The following NREP variants were observed in gnomAD, a reference collection of about 807,000 sequenced individuals.
The protein encoded by NREP is neuronal regeneration related protein.
Under a neutral mutation model 8.6 loss-of-function variants are expected in NREP, and 5 were observed. The observed-to-expected ratio is 0.58, with a 90% confidence interval of 0.30 to 1.22. The LOEUF (loss-of-function observed/expected upper bound fraction) is 1.22. Among genes scored for constraint, NREP ranks in the 50% most tolerant of loss-of-function variants. NREP has a pLI of 0.07. For missense variants in NREP, 86 were observed against 82.5 expected (o/e 1.04, Z -0.17); for synonymous variants, 27 against 28.0 (o/e 0.96, Z 0.11).
At chr5:111,772,861 G>A (rs1228646668) in intron 2 of NREP, among the ~76,000 whole-genome samples, 1 of 152,136 alleles carries the variant, frequency 6.6e-6, no homozygotes, top group Non-Finnish European at 1.5e-5. Context: ...GTGTTTCATA[G>A]CATGACAGCT....
At chr5:111,858,023 G>A (rs981075582) in intron 2 of NREP, among the ~76,000 whole-genome samples, 8 of 151,400 alleles carry the variant, frequency 5.3e-5, no homozygotes, top group Non-Finnish European at 1.0e-4. Context: ...TAACTAACAT[G>A]CTCACTTTCA....
intron 1 of NREP, chr5:111,756,296 T>TAA (rs77528562): frequency 0.011 from 2,668 of 237,372 alleles, 11 homozygotes; most frequent in African/African-American, 0.018. Context: ...CTTCCGTGTT[T>TAA]AAAAAAAAAA....
chr5:111,935,105 T>C (rs1290427893), intron 2 of NREP, among the ~76,000 whole-genome samples: 1 of 152,140 alleles, frequency 6.6e-6, no homozygotes, highest in East Asian at 1.9e-4. Context: ...TACAGTACTT[T>C]TGAAAACTGG....
chr5:111,891,616 C>T (rs760605067), intron 2 of NREP, among the ~76,000 whole-genome samples: 3 of 152,168 alleles, frequency 2.0e-5, no homozygotes, highest in Non-Finnish European at 4.4e-5. Context: ...TTAATTGGCT[C>T]ATGGTTCTAT....
At chr5:111,889,316 T>G (rs930445771) in intron 2 of NREP, among the ~76,000 whole-genome samples, 1 of 152,150 alleles carries the variant, frequency 6.6e-6, no homozygotes, top group African/African-American at 2.4e-5. Context: ...CAATCAGATC[T>G]CATGATAACT....
intron 2 of NREP, among the ~76,000 whole-genome samples, chr5:111,881,072 T>A (rs1754050024): frequency 6.6e-6 from 1 of 152,162 alleles, no homozygotes. Flanking sequence ...CCTTTCCTAG[T>A]CAAAGAAAGT....
At chr5:111,955,337 A>G (rs1328687268) in intron 2 of NREP, among the ~76,000 whole-genome samples, 1 of 152,150 alleles carries the variant, frequency 6.6e-6, no homozygotes, top group South Asian at 2.1e-4. Context: ...CACACAATGC[A>G]GAAGTATAAA....
At chr5:111,811,463 G>A (rs1440496174) in intron 2 of NREP, among the ~76,000 whole-genome samples, 3 of 152,058 alleles carry the variant, frequency 2.0e-5, no homozygotes, top group Admixed American at 6.5e-5. Context: ...CTCTTTCAAC[G>A]AAGACTTTGC....
chr5:111,767,793 G>A (rs527270279), intron 2 of NREP, among the ~76,000 whole-genome samples: 12 of 152,164 alleles, frequency 7.9e-5, no homozygotes, highest in Non-Finnish European at 1.6e-4. Flanking sequence ...AGCCTCCTGA[G>A]TAGATGGAAC....
chr5:111,802,533 G>C (rs1166028811), intron 2 of NREP, among the ~76,000 whole-genome samples: 1 of 152,162 alleles, frequency 6.6e-6, no homozygotes, highest in African/African-American at 2.4e-5. Context: ...CTCCAGGCAA[G>C]AGATGAATAA....
At chr5:111,750,423 A>G (rs1378938595) in intron 2 of NREP, among the ~76,000 whole-genome samples, 1 of 152,178 alleles carries the variant, frequency 6.6e-6, no homozygotes, top group Non-Finnish European at 1.5e-5. Flanking sequence ...GCGCCCTGGA[A>G]CACTGTATTG....
intron 2 of NREP, among the ~76,000 whole-genome samples, chr5:111,855,646 T>C (rs1053724900): frequency 2.0e-5 from 3 of 152,132 alleles, no homozygotes; most frequent in African/African-American, 7.2e-5. Flanking sequence ...AAATGCAAAC[T>C]GCAACATCTA....
At chr5:111,882,691 A>G (rs1754117983) in intron 2 of NREP, among the ~76,000 whole-genome samples, 2 of 152,204 alleles carry the variant, frequency 1.3e-5, no homozygotes, top group African/African-American at 4.8e-5. Context: ...TTCTTAAAAG[A>G]ATTTTCCACC....
At chr5:111,965,748 A>T (rs1007668956) in intron 2 of NREP, among the ~76,000 whole-genome samples, 5 of 152,228 alleles carry the variant, frequency 3.3e-5, no homozygotes, top group African/African-American at 1.2e-4. Context: ...TGCTAACATC[A>T]ACAAATATAC....
intron 2 of NREP, among the ~76,000 whole-genome samples, chr5:111,918,307 A>G (rs909402600): frequency 6.6e-6 from 1 of 152,230 alleles, no homozygotes; most frequent in African/African-American, 2.4e-5. Flanking sequence ...ATTCAATGCT[A>G]TCCCCATCAA....
At chr5:111,952,789 C>A (rs1431383124) in intron 2 of NREP, among the ~76,000 whole-genome samples, 1 of 152,014 alleles carries the variant, frequency 6.6e-6, no homozygotes, top group Non-Finnish European at 1.5e-5. Context: ...TGTAGTTATG[C>A]AAGATGTTAC....
Position 111,893,456 on chromosome 5 carries a change from T to C in NREP, c.135+81818A>G, listed in dbSNP as rs143043411. Among the ~76,000 whole-genome samples, 374 of 152,054 alleles carry C rather than the reference T, an allele frequency of 2.5e-3. 2 individuals are homozygous for C. Among genetic ancestry groups the C allele is most frequent in the Middle Eastern group, 0.01 (3 of 294 alleles). On this transcript the variant is annotated intron_variant, in intron 2 of 3. Coordinates refer to the NREP transcript ENST00000395634. ...ACTGTGCACTATATTAGGGTGACATTCAAACATCCTTTTAAAAGGTTTCTG... is the reference window on the plus strand; with the variant it reads ...ACTGTGCACTATATTAGGGTGACATCCAAACATCCTTTTAAAAGGTTTCTG...
chr5:111,826,212 A>G (rs1483520109), intron 2 of NREP, among the ~76,000 whole-genome samples: 2 of 152,114 alleles, frequency 1.3e-5, no homozygotes, highest in African/African-American at 4.8e-5. Flanking sequence ...ACCAATCAGC[A>G]CTCTGTAGAA....
chr5:111,853,949 C>T (rs1016615972), intron 2 of NREP, among the ~76,000 whole-genome samples: 1 of 152,048 alleles, frequency 6.6e-6, no homozygotes, highest in Non-Finnish European at 1.5e-5. Flanking sequence ...ATGTGTCTGC[C>T]GGAACTGAAG....
Sources: allele counts gnomAD v4.1 joint callset (sites outside exome capture counted in the v4.1 genomes callset), GRCh38; gene constraint gnomAD v4.1.1; transcripts MANE v1.5; gene names NCBI Gene and HGNC (gene_info 2026-07-23, HGNC 2026-07-21).